Variants in RTL4 observed in about 807,000 individuals in gnomAD.
RTL4 encodes retrotransposon Gag-like protein 4.
A neutral mutation model predicts 5.3 loss-of-function variants in RTL4; 4 were observed. That is an observed-to-expected ratio of 0.75 (90% CI 0.37 to 1.72). RTL4 has a LOEUF of 1.72. Among genes scored for constraint, RTL4 ranks in the 40% most tolerant of loss-of-function variants. The pLI is 0.04. For missense variants in RTL4, 260 were observed against 227.1 expected (o/e 1.14, Z -0.93); for synonymous variants, 98 against 87.3 (o/e 1.12, Z -0.68).
chrX:112,120,682 T>G, the RTL4 span, among the ~76,000 whole-genome samples: 2 of 109,348 alleles, frequency 1.8e-5, no homozygotes, highest in African/African-American at 6.7e-5. Context: ...CGCCAAAACC[T>G]TATGTTACTG....
At chrX:112,454,919 T>A in exon 1 of RTL4, 1 of 1,210,301 alleles carries the variant, frequency 8.3e-7, no homozygotes, top group Non-Finnish European at 1.1e-6. Context: ...CTCACCCAGT[T>A]TCATGGTGAC....
the RTL4 span, among the ~76,000 whole-genome samples, chrX:112,238,567 TTAAAAA>T: frequency 9.0e-5 from 10 of 111,665 alleles, no homozygotes; most frequent in Admixed American, 2.9e-4. Flanking sequence ...TTTCTCCCTC[TTAAAAA>T]TAAAAATCTA....
chrX:112,147,894 A>G, the RTL4 span, among the ~76,000 whole-genome samples: 2 of 111,744 alleles, frequency 1.8e-5, no homozygotes, highest in African/African-American at 6.5e-5. Flanking sequence ...TGTAGCCTGT[A>G]AAAGTCAGAC....
At chrX:112,342,203 T>C in the RTL4 span, among the ~76,000 whole-genome samples, 1 of 111,241 alleles carries the variant, frequency 9.0e-6, no homozygotes, top group Non-Finnish European at 1.9e-5. Flanking sequence ...GTATCTACCA[T>C]ACCAGGATGA....
upstream of RTL4, among the ~76,000 whole-genome samples, chrX:112,454,071 C>T (rs1926788726): frequency 9.0e-6 from 1 of 111,600 alleles, no homozygotes; most frequent in Non-Finnish European, 1.9e-5. Context: ...CACCTGAGAT[C>T]ACTTTGGGTT....
chrX:112,452,606 T>A (rs776828586), upstream of RTL4, among the ~76,000 whole-genome samples: 1 of 111,500 alleles, frequency 9.0e-6, no homozygotes, highest in Non-Finnish European at 1.9e-5. Flanking sequence ...CAATATGTGA[T>A]AAAGGCAGAG....
the RTL4 span, among the ~76,000 whole-genome samples, chrX:112,265,203 T>C: frequency 8.9e-6 from 1 of 112,863 alleles, no homozygotes; most frequent in East Asian, 2.8e-4. Context: ...GCTGTTCAAA[T>C]CTCTCTACTA....
At chrX:112,143,981 AT>A in the RTL4 span, among the ~76,000 whole-genome samples, 4 of 112,341 alleles carry the variant, frequency 3.6e-5, no homozygotes. Flanking sequence ...TTAAATCAAG[AT>A]AATTAACATA....
the RTL4 span, among the ~76,000 whole-genome samples, chrX:112,128,021 A>G: frequency 5.4e-5 from 6 of 112,053 alleles, no homozygotes; most frequent in South Asian, 1.1e-3. Context: ...AATGTAATAT[A>G]TATCAAAATT....
the RTL4 span, among the ~76,000 whole-genome samples, chrX:112,326,117 G>A: frequency 8.9e-6 from 1 of 111,949 alleles, no homozygotes; most frequent in Non-Finnish European, 1.9e-5. Flanking sequence ...ACACCAGTTA[G>A]AATGGCGATC....
the RTL4 span, among the ~76,000 whole-genome samples, chrX:112,391,488 A>G: frequency 2.7e-5 from 3 of 110,603 alleles, no homozygotes; most frequent in East Asian, 8.6e-4. Flanking sequence ...TCAATGGTCT[A>G]TTTTTATGAA....
chrX:112,237,193 G>A, the RTL4 span, among the ~76,000 whole-genome samples: 9 of 112,093 alleles, frequency 8.0e-5, no homozygotes, highest in Non-Finnish European at 1.3e-4. Context: ...TGTAGTGTGA[G>A]GTTGGCTGCC....
chrX:112,149,124 T>C, the RTL4 span, among the ~76,000 whole-genome samples: 1 of 112,040 alleles, frequency 8.9e-6, no homozygotes, highest in East Asian at 2.8e-4. Flanking sequence ...TTTAGCTTAG[T>C]GTATAAGAGG....
the RTL4 span, among the ~76,000 whole-genome samples, chrX:112,237,352 C>T: frequency 8.9e-6 from 1 of 112,209 alleles, no homozygotes; most frequent in Non-Finnish European, 1.9e-5. Flanking sequence ...TACGTAGCTA[C>T]TTCACTCAGA....
the RTL4 span, among the ~76,000 whole-genome samples, chrX:112,242,201 A>G: frequency 4.5e-5 from 5 of 111,617 alleles, no homozygotes; most frequent in East Asian, 1.4e-3. Flanking sequence ...TTCCACATGA[A>G]GTTTAAAGTA....
At chrX:112,316,219 C>G in the RTL4 span, among the ~76,000 whole-genome samples, 1 of 112,098 alleles carries the variant, frequency 8.9e-6, no homozygotes, top group East Asian at 2.8e-4. Flanking sequence ...TATTAAATGA[C>G]CAATCTATAG....
At chrX:112,307,254 G>T in the RTL4 span, among the ~76,000 whole-genome samples, 1 of 112,055 alleles carries the variant, frequency 8.9e-6, no homozygotes, top group Non-Finnish European at 1.9e-5. Context: ...CAGCAATGCT[G>T]TGTAGAACTC....
At chrX:112,292,128 G>A in the RTL4 span, among the ~76,000 whole-genome samples, 92 of 111,785 alleles carry the variant, frequency 8.2e-4, no homozygotes, top group Non-Finnish European at 5.3e-4. Flanking sequence ...AACCTCTAGA[G>A]TGAATGTGCA....
chrX:112,194,375 T>G, the RTL4 span, among the ~76,000 whole-genome samples: 1 of 110,685 alleles, frequency 9.0e-6, no homozygotes, highest in African/African-American at 3.3e-5. Flanking sequence ...AAGAATGCCC[T>G]TTTATGAAGA....
Sources: gnomAD v4.1 joint callset for allele counts (sites outside exome capture counted in the v4.1 genomes callset) on GRCh38, gnomAD v4.1.1 for gene constraint, MANE v1.5 for transcripts, NCBI Gene and HGNC (gene_info 2026-07-23, HGNC 2026-07-21) for gene names.